Variants in ELMO1 observed in about 807,000 individuals in gnomAD.
ELMO1 encodes the protein engulfment and cell motility protein 1.
ELMO1 carries 26 observed loss-of-function variants against 98.9 expected under a neutral mutation model. The observed-to-expected ratio is 0.26, with a 90% confidence interval of 0.19 to 0.36. The LOEUF (loss-of-function observed/expected upper bound fraction) is 0.36. ELMO1 is among the 10% of genes least tolerant of loss of function. The pLI is 1.00. For missense variants in ELMO1, 627 were observed against 935.2 expected (o/e 0.67, Z 4.30); for synonymous variants, 346 against 346.0 (o/e 1.00, Z 0.00).
At chr7:37,198,478 G>T (rs764666978) in intron 13 of ELMO1, among the ~76,000 whole-genome samples, 16 of 152,214 alleles carry the variant, frequency 1.1e-4, no homozygotes, top group Admixed American at 9.8e-4. Context: ...CTGGGTGGGA[G>T]ATACGACTAT....
At chr7:37,352,853 T>G (rs1264890896) in intron 1 of ELMO1, among the ~76,000 whole-genome samples, 1 of 152,202 alleles carries the variant, frequency 6.6e-6, no homozygotes, top group African/African-American at 2.4e-5. Context: ...TTGTGATCAT[T>G]TGAACATCTC....
chr7:36,930,816 C>A (rs768132018), intron 16 of ELMO1, among the ~76,000 whole-genome samples: 5 of 152,176 alleles, frequency 3.3e-5, no homozygotes, highest in Non-Finnish European at 7.3e-5. Context: ...ACGGTCAAAG[C>A]ATGTTTTCTA....
chr7:36,974,806 C>T (rs1021162593), intron 16 of ELMO1, among the ~76,000 whole-genome samples: 1 of 152,192 alleles, frequency 6.6e-6, no homozygotes, highest in African/African-American at 2.4e-5. Flanking sequence ...CTGTAACACT[C>T]ACCGCGAAGG....
chr7:36,889,588 C>T (rs1805375473), intron 17 of ELMO1, among the ~76,000 whole-genome samples: 1 of 152,186 alleles, frequency 6.6e-6, no homozygotes, highest in South Asian at 2.1e-4. Context: ...ATTTAAATAA[C>T]AGTTTCACTA....
intron 13 of ELMO1, among the ~76,000 whole-genome samples, chr7:37,134,586 T>C (rs1217854767): frequency 6.6e-6 from 1 of 150,772 alleles, no homozygotes; most frequent in Non-Finnish European, 1.5e-5. Context: ...GAAGAAATCA[T>C]TATACCAAAA....
chr7:37,125,227 C>G (rs1399665872), intron 14 of ELMO1, among the ~76,000 whole-genome samples: 1 of 152,086 alleles, frequency 6.6e-6, no homozygotes, highest in Non-Finnish European at 1.5e-5. Context: ...TAGGCACGGG[C>G]AAGGACTTCA....
intron 13 of ELMO1, among the ~76,000 whole-genome samples, chr7:37,137,552 T>C (rs916824509): frequency 6.6e-6 from 1 of 152,074 alleles, no homozygotes; most frequent in African/African-American, 2.4e-5. Context: ...ATTTTTTTTT[T>C]TTTGGAGGCA....
intron 13 of ELMO1, among the ~76,000 whole-genome samples, chr7:37,169,139 C>T (rs1241435960): frequency 5.3e-5 from 8 of 152,098 alleles, no homozygotes; most frequent in Non-Finnish European, 7.4e-5. Context: ...TAGGACCCTC[C>T]GAGCCAGGTG....
chr7:37,406,531 A>G (rs12533024), intron 1 of ELMO1, among the ~76,000 whole-genome samples: 34,972 of 151,420 alleles, frequency 0.23, 4,229 homozygotes, highest in East Asian at 0.41. Context: ...CCGGGTTCAC[A>G]CCATTGTCCT....
At chr7:37,233,048 T>C in intron 8 of ELMO1, 47 bp downstream of exon 8, 3 of 1,493,060 alleles carry the variant, frequency 2.0e-6, no homozygotes, top group Non-Finnish European at 2.8e-6. Context: ...AAAATAGCTA[T>C]GACAGAAGAC....
intron 14 of ELMO1, among the ~76,000 whole-genome samples, chr7:37,122,043 T>A (rs140161905): frequency 1.3e-5 from 2 of 152,124 alleles, no homozygotes; most frequent in African/African-American, 4.8e-5. Flanking sequence ...CTAAGCTTCA[T>A]AAGTGAAGAA....
At chr7:37,361,757 G>C (rs1315565094) in intron 1 of ELMO1, among the ~76,000 whole-genome samples, 1 of 152,212 alleles carries the variant, frequency 6.6e-6, no homozygotes, top group South Asian at 2.1e-4. Context: ...TCAGGAGTTC[G>C]AGACCAGCCT....
At chr7:37,303,588 G>C (rs1416022077) in intron 4 of ELMO1, among the ~76,000 whole-genome samples, 4 of 152,082 alleles carry the variant, frequency 2.6e-5, no homozygotes, top group African/African-American at 9.7e-5. Context: ...TACTAATAAT[G>C]GTTTTTGCTT....
intron 1 of ELMO1, among the ~76,000 whole-genome samples, chr7:37,414,899 CT>C (rs1168313309): frequency 3.9e-5 from 6 of 152,006 alleles, no homozygotes; most frequent in Admixed American, 1.3e-4. Context: ...ACTAATAATC[CT>C]TTTTTTTCTT....
intron 16 of ELMO1, among the ~76,000 whole-genome samples, chr7:37,004,580 G>C (rs1162823256): frequency 2.0e-5 from 3 of 152,164 alleles, no homozygotes; most frequent in Non-Finnish European, 4.4e-5. Context: ...GCTCTAGAAA[G>C]ACTTCAGAAA....
intron 16 of ELMO1, among the ~76,000 whole-genome samples, chr7:36,966,517 C>T (rs1789447816): frequency 6.6e-6 from 1 of 152,232 alleles, no homozygotes. Context: ...ATCTACGGTT[C>T]CACAACAAAG....
intron 1 of ELMO1, among the ~76,000 whole-genome samples, chr7:37,355,594 G>A (rs1483364410): frequency 2.0e-5 from 3 of 152,244 alleles, no homozygotes; most frequent in Non-Finnish European, 2.9e-5. Flanking sequence ...AGAAATCGGA[G>A]GGGGGAAAGT....
chr7:36,893,646 T>C (rs559588092), intron 17 of ELMO1, among the ~76,000 whole-genome samples: 15 of 151,956 alleles, frequency 9.9e-5, no homozygotes, highest in African/African-American at 3.6e-4. Context: ...GTCTCTCACA[T>C]TGCAAAGAAG....
chr7:37,432,045 C>G (rs1388691134), intron 1 of ELMO1, among the ~76,000 whole-genome samples: 1 of 152,110 alleles, frequency 6.6e-6, no homozygotes, highest in East Asian at 1.9e-4. Context: ...CCACGCCTGG[C>G]TAATTTTGTA....
Sources: gnomAD v4.1 joint callset for allele counts (sites outside exome capture counted in the v4.1 genomes callset) on GRCh38, gnomAD v4.1.1 for gene constraint, MANE v1.5 for transcripts, NCBI Gene and HGNC (gene_info 2026-07-23, HGNC 2026-07-21) for gene names.